ARID5B: variants seen among roughly 807,000 people sequenced by gnomAD.
ARID5B encodes the protein AT-rich interactive domain-containing protein 5B.
Under a neutral mutation model 97.2 loss-of-function variants are expected in ARID5B, and 13 were observed. The ratio of observed to expected loss-of-function variants is 0.13; its 90% CI spans 0.09 to 0.21. The LOEUF (loss-of-function observed/expected upper bound fraction) is 0.21, where lower values mean the gene tolerates loss of function less well. Among genes scored for constraint, ARID5B ranks in the 10% least tolerant of loss-of-function variants. The pLI is 1.00. For synonymous variants in ARID5B, 556 were observed against 570.3 expected, an observed-to-expected ratio of 0.97 and a Z score of 0.36; for missense variants, 1,210 against 1,465.3, an observed-to-expected ratio of 0.83 and a Z score of 2.84.
chr10:62,051,614 A>C (rs1839791751), intron 5 of ARID5B, among the ~76,000 whole-genome samples: 1 of 152,354 alleles, frequency 6.6e-6, no homozygotes, highest in Admixed American at 6.5e-5. Flanking sequence ...GACCCAGGTC[A>C]ATTTTTTACC....
At chr10:61,978,140 T>G (rs1838726599) in intron 3 of ARID5B, among the ~76,000 whole-genome samples, 1 of 152,258 alleles carries the variant, frequency 6.6e-6, no homozygotes, top group Non-Finnish European at 1.5e-5. Flanking sequence ...TCCTTGTTTT[T>G]GTCAGGTTTG....
chr10:62,018,414 A>G (rs1839310977), intron 4 of ARID5B, among the ~76,000 whole-genome samples: 1 of 152,196 alleles, frequency 6.6e-6, no homozygotes, highest in South Asian at 2.1e-4. Context: ...TCGTCACCAC[A>G]GATAATCAAT....
At chr10:61,949,093 A>G (rs1465121150) in intron 3 of ARID5B, among the ~76,000 whole-genome samples, 1 of 152,200 alleles carries the variant, frequency 6.6e-6, no homozygotes, top group Non-Finnish European at 1.5e-5. Flanking sequence ...TTACTCTAGC[A>G]TTTAGGATAG....
intron 8 of ARID5B, among the ~76,000 whole-genome samples, chr10:62,082,650 A>G (rs966435515): frequency 6.6e-6 from 1 of 152,204 alleles, no homozygotes; most frequent in African/African-American, 2.4e-5. Flanking sequence ...GGCAATGTTG[A>G]CCTAATCTAA....
intron 3 of ARID5B, among the ~76,000 whole-genome samples, chr10:61,953,604 G>A (rs1394634803): frequency 6.6e-6 from 1 of 152,178 alleles, no homozygotes; most frequent in Non-Finnish European, 1.5e-5. Flanking sequence ...CAGTTATGTT[G>A]TAGCGGAAAG....
chr10:61,949,920 A>T (rs184872337), intron 3 of ARID5B, among the ~76,000 whole-genome samples: 1 of 152,334 alleles, frequency 6.6e-6, no homozygotes, highest in Non-Finnish European at 1.5e-5. Flanking sequence ...TATCACTGAT[A>T]GATTGCCAAA....
Position 62,035,882 on chromosome 10 carries a change from T to C in ARID5B, c.734-15006T>C, listed in dbSNP as rs143219113. Among the ~76,000 whole-genome samples, 831 of 152,260 alleles carry C rather than the reference T, an allele frequency of 5.5e-3. 4 individuals carry two copies. The highest frequency in any genetic ancestry group is 0.014 in the Middle Eastern group (4 of 294). On this transcript the variant is annotated intron_variant, in intron 4 of 9. Transcript: ENST00000279873. ...TCTTGTCACCCAGGCTGGAGTGCAG[T>C]GGCACGATCTCGGCTCACTTCATGT...
At chr10:61,985,928 C>T (rs1838841082) in intron 3 of ARID5B, among the ~76,000 whole-genome samples, 2 of 152,066 alleles carry the variant, frequency 1.3e-5, no homozygotes, top group African/African-American at 2.4e-5. Flanking sequence ...CCAAATAAGG[C>T]AACACCAAGC....
At chr10:62,007,470 G>A (rs2393732) in intron 4 of ARID5B, among the ~76,000 whole-genome samples, 22,847 of 152,056 alleles carry the variant, frequency 0.15, 3,563 homozygotes, top group African/African-American at 0.39. Flanking sequence ...TTTATAGTAT[G>A]TGGAAAGGGG....
intron 8 of ARID5B, among the ~76,000 whole-genome samples, chr10:62,083,023 G>A (rs548672756): frequency 6.6e-6 from 1 of 151,818 alleles, no homozygotes; most frequent in African/African-American, 2.4e-5. Flanking sequence ...TTTAGAAGGG[G>A]GGGAAAAAAC....
intron 9 of ARID5B, among the ~76,000 whole-genome samples, chr10:62,087,298 C>CAAAAAAAAAAAAAAAAAAA (rs71299289): frequency 1.5e-4 from 6 of 40,928 alleles, no homozygotes; most frequent in Admixed American, 1.2e-3. Context: ...GACTCTATCT[C>CAAAAAAAAAAAAAAAAAAA]AAAAAAAAAA....
At chr10:61,923,955 T>C (rs1226670508) in intron 2 of ARID5B, among the ~76,000 whole-genome samples, 1 of 152,226 alleles carries the variant, frequency 6.6e-6, no homozygotes, top group East Asian at 1.9e-4. Context: ...CAACACTGGA[T>C]GAAGCTCAGC....
chr10:61,945,650 A>C (rs1223482161), intron 3 of ARID5B, among the ~76,000 whole-genome samples: 1 of 152,168 alleles, frequency 6.6e-6, no homozygotes, highest in East Asian at 1.9e-4. Flanking sequence ...TTTTGTCTAA[A>C]ATGGGCAATA....
intron 2 of ARID5B, among the ~76,000 whole-genome samples, chr10:61,922,831 A>G (rs1440650009): frequency 6.6e-6 from 1 of 152,162 alleles, no homozygotes; most frequent in Admixed American, 6.5e-5. Flanking sequence ...ATTCTGTGCA[A>G]GTTAACTGTT....
intron 2 of ARID5B, among the ~76,000 whole-genome samples, chr10:61,933,777 G>T (rs189592190): frequency 6.6e-6 from 1 of 152,188 alleles, no homozygotes; most frequent in Non-Finnish European, 1.5e-5. Flanking sequence ...AGCACAGAGA[G>T]CATAGATTTA....
intron 3 of ARID5B, among the ~76,000 whole-genome samples, chr10:61,947,385 C>T (rs1443481191): frequency 1.3e-5 from 2 of 150,878 alleles, no homozygotes; most frequent in Non-Finnish European, 2.9e-5. Flanking sequence ...TCTCCTGCCT[C>T]AGCCTCCCAA....
intron 8 of ARID5B, among the ~76,000 whole-genome samples, chr10:62,071,961 A>G (rs1840070867): frequency 1.3e-5 from 2 of 152,228 alleles, no homozygotes; most frequent in South Asian, 2.1e-4. Flanking sequence ...TGGGTATTCA[A>G]CAAAGAGACT....
chr10:61,938,563 C>T (rs1844344293), intron 2 of ARID5B, among the ~76,000 whole-genome samples: 1 of 152,102 alleles, frequency 6.6e-6, no homozygotes, highest in Non-Finnish European at 1.5e-5. Context: ...AACTACAGAT[C>T]TTTTATTTCA....
intron 4 of ARID5B, among the ~76,000 whole-genome samples, chr10:62,010,418 C>T (rs1007907600): frequency 7.9e-5 from 12 of 152,176 alleles, no homozygotes; most frequent in Non-Finnish European, 2.9e-5. Context: ...ACTCTAAGCT[C>T]CTTGAGGGGG....
Sources: allele counts gnomAD v4.1 joint callset (sites outside exome capture counted in the v4.1 genomes callset), GRCh38; gene constraint gnomAD v4.1.1; transcripts MANE v1.5; gene names NCBI Gene and HGNC (gene_info 2026-07-23, HGNC 2026-07-21).